Variants in MAP2 observed in about 807,000 individuals in gnomAD.
MAP2 encodes microtubule associated protein 2.
Under a neutral mutation model 137.6 loss-of-function variants are expected in MAP2, and 14 were observed. That is an observed-to-expected ratio of 0.10 (90% CI 0.07 to 0.16). The LOEUF (loss-of-function observed/expected upper bound fraction) is 0.16, where lower values mean the gene tolerates loss of function less well. MAP2 is among the 10% of genes least tolerant of loss of function. The pLI is 1.00. For missense variants in MAP2, 2,088 were observed against 2,191.5 expected (o/e 0.95, Z 0.94); for synonymous variants, 786 against 782.3 (o/e 1.00, Z -0.08).
chr2:209,670,587 T>C (rs181325796), intron 5 of MAP2, among the ~76,000 whole-genome samples: 2 of 151,982 alleles, frequency 1.3e-5, no homozygotes, highest in Non-Finnish European at 2.9e-5. Flanking sequence ...AGGCCAGTTC[T>C]ATTAAACTCT....
At chr2:209,561,045 A>G (rs2071935921) in intron 2 of MAP2, among the ~76,000 whole-genome samples, 1 of 152,164 alleles carries the variant, frequency 6.6e-6, no homozygotes, top group African/African-American at 2.4e-5. Context: ...CTTCATCTGG[A>G]CTGTTACTTC....
At chr2:209,469,697 A>C (rs1325515375) in intron 1 of MAP2, among the ~76,000 whole-genome samples, 2 of 151,890 alleles carry the variant, frequency 1.3e-5, no homozygotes, top group Non-Finnish European at 1.5e-5. Context: ...CCCTCCATAC[A>C]CCCACAGGAA....
At chr2:209,500,693 T>C (rs894294161) in intron 1 of MAP2, among the ~76,000 whole-genome samples, 4 of 152,018 alleles carry the variant, frequency 2.6e-5, no homozygotes, top group African/African-American at 9.6e-5. Context: ...TTAAAGAACA[T>C]TGGATCCCTA....
chr2:209,441,793 C>T (rs963794106), intron 1 of MAP2, among the ~76,000 whole-genome samples: 1 of 151,526 alleles, frequency 6.6e-6, no homozygotes, highest in African/African-American at 2.4e-5. Context: ...GCCTTCAGTT[C>T]TGCTGGGCCT....
rs530744012 is a variant in MAP2, at chr2:209,670,001, A to G, written c.263-8571A>G. 7.2e-5 allele frequency among the ~76,000 whole-genome samples: 11 copies of G among 152,126 alleles called. No individual in the cohort carries two copies. The Middle Eastern group carries it at 0.01, about 141-fold the overall frequency. ...GACTTAATGAAGAGAATATAATCCA[A>G]TTTCCCCACATCTACAAAGAGTAGT... is the stretch of plus-strand genomic sequence containing the variant. On this transcript the variant is annotated intron_variant, in intron 5 of 15. Coordinates refer to ENST00000682079, the MANE Select transcript of MAP2 (RefSeq NM_001375505.1).
intron 1 of MAP2, among the ~76,000 whole-genome samples, chr2:209,467,746 A>G (rs931406240): frequency 2.0e-5 from 3 of 152,220 alleles, no homozygotes; most frequent in African/African-American, 7.2e-5. Flanking sequence ...CTCTGCAGAC[A>G]GATTGCCAGG....
At chr2:209,703,379 G>C (rs976862385) in intron 11 of MAP2, among the ~76,000 whole-genome samples, 4 of 151,956 alleles carry the variant, frequency 2.6e-5, no homozygotes, top group African/African-American at 9.7e-5. Flanking sequence ...ACATGATTAA[G>C]ATATGGATTA....
intron 4 of MAP2, among the ~76,000 whole-genome samples, chr2:209,626,308 G>A (rs529283709): frequency 6.6e-6 from 1 of 152,136 alleles, no homozygotes; most frequent in African/African-American, 2.4e-5. Context: ...CCAGCTACTG[G>A]GGAGGCTGAG....
At chr2:209,563,292 T>C (rs1380355082) in intron 2 of MAP2, among the ~76,000 whole-genome samples, 1 of 152,070 alleles carries the variant, frequency 6.6e-6, no homozygotes, top group Admixed American at 6.6e-5. Flanking sequence ...CCTCACAGAG[T>C]TGCTATGAGG....
intron 3 of MAP2, among the ~76,000 whole-genome samples, chr2:209,624,061 C>T (rs138963066): frequency 2.0e-5 from 3 of 152,232 alleles, no homozygotes; most frequent in East Asian, 1.9e-4. Context: ...TGCTCATATC[C>T]ATATACACAT....
At chr2:209,520,366 C>T (rs1293882958) in intron 2 of MAP2, among the ~76,000 whole-genome samples, 2 of 152,150 alleles carry the variant, frequency 1.3e-5, no homozygotes, top group East Asian at 3.9e-4. Context: ...TAAAATGCCT[C>T]TTTAAAATTT....
intron 1 of MAP2, among the ~76,000 whole-genome samples, chr2:209,506,556 G>A (rs2061088283): frequency 6.6e-6 from 1 of 152,122 alleles, no homozygotes; most frequent in Non-Finnish European, 1.5e-5. Context: ...TTGTCATTTT[G>A]AAGTGGTTTT....
At chr2:209,434,843 ATATATGT>A (rs1288523192) in intron 1 of MAP2, among the ~76,000 whole-genome samples, 2 of 117,706 alleles carry the variant, frequency 1.7e-5, no homozygotes, top group African/African-American at 7.4e-5. Context: ...CTATATATAT[ATATATGT>A]TATATATATA....
chr2:209,568,763 A>C (rs1306345560), intron 2 of MAP2, among the ~76,000 whole-genome samples: 1 of 151,882 alleles, frequency 6.6e-6, no homozygotes, highest in East Asian at 1.9e-4. Flanking sequence ...GATTAAATGA[A>C]GGTTCATTTC....
At position 209,696,673 on chromosome 2, in the gene MAP2, A is replaced by G. The variant is rs986002008; in HGVS notation, c.4312A>G (p.Ile1438Val). 6.2e-7 allele frequency: 1 copy of G among 1,614,006 alleles called. No individual in the cohort carries two copies. Among genetic ancestry groups the G allele is most frequent in the South Asian group, 1.1e-5 (1 of 91,078 alleles). ...GCCTTTTAAAACCGGGAGAGGCAGAATTTCCACTCCTGAAAGAAAAGTAGC... is the reference window on the plus strand; with the variant it reads ...GCCTTTTAAAACCGGGAGAGGCAGAGTTTCCACTCCTGAAAGAAAAGTAGC... The part of the protein sequence containing the change: ...EKPFKTGRGR[I>V]STPERKVAKK... The change falls in exon 9 of 16, where the codon ATT becomes GTT. Residue 1438 changes from isoleucine to valine, a missense_variant. Around this residue, in one of 6 missense-constraint regions of MAP2, gnomAD observed 591 missense variants for 642.6 expected, o/e 0.92. Coordinates refer to ENST00000682079, the MANE Select transcript of MAP2 (RefSeq NM_001375505.1).
chr2:209,525,786 A>G (rs1289591639), intron 2 of MAP2, among the ~76,000 whole-genome samples: 2 of 152,200 alleles, frequency 1.3e-5, no homozygotes, highest in Admixed American at 6.5e-5. Context: ...TCAAGATTAT[A>G]TAAATAACTT....
rs538878351 is a variant in MAP2, at chr2:209,557,226, A to C, written c.-171-22810A>C. ...ACGGTTTCTAATTCTGAGACCAGAC[A>C]ACAGACTTGTGGCACCATCTTGTTC... On this transcript the variant is annotated intron_variant, in intron 2 of 15. Coordinates refer to ENST00000682079, the MANE Select transcript of MAP2 (RefSeq NM_001375505.1). Among the ~76,000 whole-genome samples, 8 of 152,348 alleles carry C rather than the reference A, an allele frequency of 5.3e-5. No homozygotes were observed. In the South Asian group the frequency reaches 1.7e-3, roughly 32 times the overall value.
At chr2:209,543,787 A>G (rs946358318) in intron 2 of MAP2, among the ~76,000 whole-genome samples, 1 of 152,242 alleles carries the variant, frequency 6.6e-6, no homozygotes, top group African/African-American at 2.4e-5. Context: ...ACTTCTCTGT[A>G]AAAACCAGCA....
At chr2:209,449,934 T>C (rs1291539566) in intron 1 of MAP2, among the ~76,000 whole-genome samples, 1 of 152,204 alleles carries the variant, frequency 6.6e-6, no homozygotes, top group Non-Finnish European at 1.5e-5. Context: ...TTATTTTCTT[T>C]TATTCTATTT....
Sources: allele counts gnomAD v4.1 joint callset (sites outside exome capture counted in the v4.1 genomes callset), GRCh38; gene constraint gnomAD v4.1.1; regional missense constraint gnomAD v4.1.1; transcripts MANE v1.5; gene names NCBI Gene and HGNC (gene_info 2026-07-23, HGNC 2026-07-21).